Variants in TMEM14C observed in about 807,000 individuals in gnomAD.
The protein encoded by TMEM14C is chromosome 6 open reading frame 53.
Under a neutral mutation model 14.8 loss-of-function variants are expected in TMEM14C, and 13 were observed. That is an observed-to-expected ratio of 0.88 (90% CI 0.57 to 1.40). TMEM14C has a LOEUF of 1.40. TMEM14C is among the 40% of genes most tolerant of loss of function. The pLI is 0.00. For missense variants in TMEM14C, 142 were observed against 138.8 expected (o/e 1.02, Z -0.12); for synonymous variants, 57 against 51.3 (o/e 1.11, Z -0.48).
intron 4 of TMEM14C, 84 bp downstream of exon 4, chr6:10,726,092 T>C (rs935400575): frequency 2.0e-6 from 3 of 1,488,630 alleles, no homozygotes; most frequent in Non-Finnish European, 2.8e-6. Context: ...TGGGATGGGG[T>C]GAGTTCTTCA....
At chr6:10,728,885 G>GTTTTTGT (rs1770949049) in intron 5 of TMEM14C, 158 bp downstream of exon 5, 1 of 1,497,444 alleles carries the variant, frequency 6.7e-7, no homozygotes, top group Non-Finnish European at 9.0e-7. Flanking sequence ...AAAAACAATA[G>GTTTTTGT]CTAGTTTAAT....
At chr6:10,723,511 C>T (rs1770753457) in intron 1 of TMEM14C, among the ~76,000 whole-genome samples, 1 of 151,954 alleles carries the variant, frequency 6.6e-6, no homozygotes, top group Admixed American at 6.5e-5. Flanking sequence ...TAAAAGCCTC[C>T]CTTACTCGGT....
chr6:10,728,924 C>A, intron 5 of TMEM14C, 197 bp downstream of exon 5: 2 of 1,303,296 alleles, frequency 1.5e-6, no homozygotes, highest in Non-Finnish European at 2.1e-6. Flanking sequence ...TATCCATTCA[C>A]CGTGGAAATG....
intron 4 of TMEM14C, among the ~76,000 whole-genome samples, chr6:10,726,835 G>C (rs1770878440): frequency 6.6e-6 from 1 of 152,232 alleles, no homozygotes. Context: ...CCATGTGTCA[G>C]ACACTGCTAG....
Position 10,731,111 on chromosome 6 carries a change from A to C in TMEM14C, c.*445A>C, listed in dbSNP as rs531135145. Reference sequence around the variant, plus strand: ...GTTAAGTGAAATATCAATGAAAATAAAGTTTACTATAAATAATATTTCCTA... The same window carrying C: ...GTTAAGTGAAATATCAATGAAAATACAGTTTACTATAAATAATATTTCCTA... On this transcript the variant is annotated 3_prime_UTR_variant, in exon 6 of 6. Coordinates refer to ENST00000229563, the MANE Select transcript of TMEM14C (RefSeq NM_016462.4). The C allele has an allele frequency of 4.1e-6, 4 of 984,298 alleles. No homozygotes were observed. In the East Asian group the frequency reaches 4.5e-4, roughly 112 times the overall value. 61.0% of individuals were successfully genotyped at this position (984,298 alleles called of 1,614,324 possible). A position where few individuals can be genotyped will look rare whatever the true frequency, so the allele number is the denominator to read the frequency against.
At chr6:10,730,138 A>T (rs1404194325) in intron 5 of TMEM14C, among the ~76,000 whole-genome samples, 2 of 152,154 alleles carry the variant, frequency 1.3e-5, no homozygotes, top group Non-Finnish European at 2.9e-5. Flanking sequence ...CAAAAACAAA[A>T]AATTTAGTTA....
At chr6:10,726,138 G>A in intron 4 of TMEM14C, 130 bp downstream of exon 4, 1 of 1,018,310 alleles carries the variant, frequency 9.8e-7, no homozygotes. Flanking sequence ...CTTCTACCAA[G>A]TCCTCAGAAA....
chr6:10,727,799 CG>C (rs1770910326), intron 4 of TMEM14C, among the ~76,000 whole-genome samples: 1 of 151,748 alleles, frequency 6.6e-6, no homozygotes, highest in Non-Finnish European at 1.5e-5. Context: ...CTAGCCTGGG[CG>C]ACAGATCAAG....
intron 3 of TMEM14C, among the ~76,000 whole-genome samples, chr6:10,725,572 C>A (rs889604283): frequency 8.5e-5 from 13 of 152,156 alleles, no homozygotes; most frequent in Admixed American, 6.5e-4. Flanking sequence ...GAGGTCCTGC[C>A]TGTACACAAT....
chr6:10,723,796 G>A (rs1435230274), intron 1 of TMEM14C, among the ~76,000 whole-genome samples: 3 of 151,984 alleles, frequency 2.0e-5, no homozygotes, highest in Non-Finnish European at 2.9e-5. Context: ...TAGACAATGG[G>A]TTTCACTATG....
Position 10,723,400 on chromosome 6 carries a change from G to T in TMEM14C, c.-45+159G>T, listed in dbSNP as rs181810966. Among the ~76,000 whole-genome samples the T allele has an allele frequency of 6.6e-5, 10 of 152,322 alleles. No individual in the cohort carries two copies. The South Asian group carries it at 1.0e-3, about 16-fold the overall frequency. ...CGTTGGGTATTTTCTGCTTTTAAAA[G>T]AAGTTGTGGATGCGCGGAGCCCCTG... On this transcript the variant is annotated intron_variant, in intron 1 of 5. Coordinates refer to ENST00000229563, the MANE Select transcript of TMEM14C (RefSeq NM_016462.4).
rs1364656708 is a variant in TMEM14C, at chr6:10,723,229, C to T, written c.-57C>T. 2 of 152,284 alleles carry T rather than the reference C, an allele frequency of 1.3e-5. No individual in the cohort carries two copies. The highest frequency in any genetic ancestry group is 6.5e-5 in the Admixed American group (1 of 15,292). 9.4% of individuals were successfully genotyped at this position (152,284 alleles called of 1,614,324 possible). A position where few individuals can be genotyped will look rare whatever the true frequency, so the allele number is the denominator to read the frequency against. On this transcript the variant is annotated 5_prime_UTR_variant, in exon 1 of 6. Transcript: ENST00000229563. ...GCGCGCCCTTGTAGACAGCCGGGGCCTTCGTGAGACCGGTGCGAGTATTTG... is the reference window on the plus strand; with the variant it reads ...GCGCGCCCTTGTAGACAGCCGGGGCTTTCGTGAGACCGGTGCGAGTATTTG...
chr6:10,724,516 G>C (rs536966588), intron 1 of TMEM14C, 54 bp from the exon 2 acceptor site: 2 of 1,270,828 alleles, frequency 1.6e-6, no homozygotes, highest in African/African-American at 1.5e-5. Context: ...ACTTCTTTCT[G>C]ACTGCTGGAG....
Position 10,730,830 on chromosome 6 carries a change from C to T in TMEM14C, c.*164C>T, listed in dbSNP as rs1046149. On this transcript the variant is annotated 3_prime_UTR_variant, in exon 6 of 6. Coordinates refer to ENST00000229563, the MANE Select transcript of TMEM14C (RefSeq NM_016462.4). ...AGAGGTGGAAAATCAGTCATGATTA[C>T]AAACCTACAGAGGTGGCGAGTATGT... 9.7e-6 allele frequency: 13 copies of T among 1,340,262 alleles called. No individual in the cohort carries two copies. The Admixed American group carries it at 3.6e-4, about 37-fold the overall frequency. 83.0% of individuals were successfully genotyped at this position (1,340,262 alleles called of 1,614,324 possible).
At chr6:10,728,603 A>T (rs368250764) in intron 4 of TMEM14C, 37 bp from the exon 5 acceptor site, 1 of 1,604,526 alleles carries the variant, frequency 6.2e-7, no homozygotes, top group South Asian at 1.1e-5. Flanking sequence ...TAGAAGATGT[A>T]ATGAGTTTTA....
rs982019030 is a variant in TMEM14C at position 10,724,094 on chromosome 6, C to T, written c.-44-476C>T. 5.3e-5 allele frequency among the ~76,000 whole-genome samples: 8 copies of T among 152,112 alleles called. 1 individual carries two copies. The highest frequency in any genetic ancestry group is 1.4e-4 in the African/African-American group (6 of 41,406). ...CTCCTAACAAGAACTGTGAGTTGGA[C>T]GCAGAAGTTTCTAAAAAAGTTGAGC... is the stretch of plus-strand genomic sequence containing the variant. On this transcript the variant is annotated intron_variant, in intron 1 of 5. Coordinates refer to ENST00000229563, the MANE Select transcript of TMEM14C (RefSeq NM_016462.4).
intron 1 of TMEM14C, among the ~76,000 whole-genome samples, chr6:10,723,724 C>G (rs1770765667): frequency 6.6e-6 from 1 of 151,904 alleles, no homozygotes; most frequent in Admixed American, 6.6e-5. Flanking sequence ...TTCAGCCTCC[C>G]AAGTAGCTGG....
chr6:10,726,842 C>T (rs1054648648), intron 4 of TMEM14C, among the ~76,000 whole-genome samples: 1 of 152,176 alleles, frequency 6.6e-6, no homozygotes, highest in South Asian at 2.1e-4. Context: ...TCAGACACTG[C>T]TAGGAGTGTG....
At chr6:10,726,467 G>A (rs1196690581) in intron 4 of TMEM14C, among the ~76,000 whole-genome samples, 1 of 152,182 alleles carries the variant, frequency 6.6e-6, no homozygotes, top group Non-Finnish European at 1.5e-5. Flanking sequence ...CGAGGCAAGT[G>A]GATTACAAGG....
Sources: gnomAD v4.1 joint callset for allele counts (sites outside exome capture counted in the v4.1 genomes callset) on GRCh38, gnomAD v4.1.1 for gene constraint, MANE v1.5 for transcripts, NCBI Gene and HGNC (gene_info 2026-07-23, HGNC 2026-07-21) for gene names.